Variants in WDR4 observed in about 807,000 individuals in gnomAD.
The protein encoded by WDR4 is tRNA (guanine-N(7)-)-methyltransferase non-catalytic subunit WDR4.
A neutral mutation model predicts 48.6 loss-of-function variants in WDR4; 47 were observed. The ratio of observed to expected loss-of-function variants is 0.97; its 90% confidence interval spans 0.77 to 1.23. WDR4 has a LOEUF of 1.23. WDR4 is among the 50% of genes most tolerant of loss of function. The probability of loss-of-function intolerance (pLI) is 0.00; values close to 1 mark genes in which losing one functional copy is unlikely to be tolerated. For missense variants in WDR4, 606 were observed against 551.6 expected (o/e 1.10, Z -0.99); for synonymous variants, 268 against 230.0 (o/e 1.17, Z -1.49).
At chr21:42,876,479 G>A (rs2058495299) in intron 2 of WDR4, among the ~76,000 whole-genome samples, 1 of 152,148 alleles carries the variant, frequency 6.6e-6, no homozygotes, top group Non-Finnish European at 1.5e-5. Flanking sequence ...CTCCCAAAGT[G>A]CTGGGATTAC....
At chr21:42,867,662 T>C (rs899185980) in intron 3 of WDR4, among the ~76,000 whole-genome samples, 2 of 152,128 alleles carry the variant, frequency 1.3e-5, no homozygotes, top group Non-Finnish European at 2.9e-5. Context: ...ATTTCGGATT[T>C]TGGAGGATTG....
intron 3 of WDR4, among the ~76,000 whole-genome samples, chr21:42,867,932 A>G (rs964577918): frequency 6.6e-6 from 1 of 152,162 alleles, no homozygotes; most frequent in African/African-American, 2.4e-5. Context: ...AAGACGAGTC[A>G]ACACAGCAAG....
At chr21:42,859,502 G>A (rs1187024625) in intron 6 of WDR4, among the ~76,000 whole-genome samples, 160 bp downstream of exon 6, 3 of 151,886 alleles carry the variant, frequency 2.0e-5, no homozygotes, top group South Asian at 2.1e-4. Flanking sequence ...GTGAGCGGCC[G>A]CAGGCGGGGA....
intron 8 of WDR4, 92 bp from the exon 9 acceptor site, chr21:42,853,844 G>A (rs532017197): frequency 3.7e-5 from 50 of 1,362,882 alleles, no homozygotes; most frequent in South Asian, 2.2e-4. Flanking sequence ...AGCCCTCGCC[G>A]GTGCCACCTC....
chr21:42,865,754 G>A (rs530897222), intron 3 of WDR4, among the ~76,000 whole-genome samples: 11 of 152,050 alleles, frequency 7.2e-5, no homozygotes, highest in Non-Finnish European at 1.5e-4. Context: ...AGGGTCTCGG[G>A]TCTCGGGTCT....
chr21:42,854,796 C>T (rs1220996038), intron 7 of WDR4, among the ~76,000 whole-genome samples, 170 bp from the exon 8 acceptor site: 3 of 152,044 alleles, frequency 2.0e-5, no homozygotes, highest in African/African-American at 7.2e-5. Context: ...GTAGCTGATT[C>T]CCTGTTTCCC....
chr21:42,857,305 G>A (rs1313226889), intron 6 of WDR4, among the ~76,000 whole-genome samples: 2 of 152,060 alleles, frequency 1.3e-5, no homozygotes, highest in African/African-American at 4.8e-5. Context: ...AGTGAAGGCC[G>A]GGACACTGAC....
intron 3 of WDR4, among the ~76,000 whole-genome samples, chr21:42,867,941 A>C (rs796067079): frequency 1.7e-4 from 26 of 152,252 alleles, no homozygotes; most frequent in African/African-American, 5.3e-4. Flanking sequence ...CAACACAGCA[A>C]GACATCTCCC....
chr21:42,891,623 C>G, the WDR4 span, among the ~76,000 whole-genome samples: 1 of 151,966 alleles, frequency 6.6e-6, no homozygotes, highest in Non-Finnish European at 1.5e-5. Flanking sequence ...GCGAGCATGA[C>G]CTTTTCCCTG....
intron 3 of WDR4, among the ~76,000 whole-genome samples, chr21:42,871,932 T>C (rs1190340643): frequency 1.3e-5 from 2 of 152,030 alleles, no homozygotes; most frequent in East Asian, 3.9e-4. Context: ...CTTTTTAACC[T>C]GACTGGAAGA....
the WDR4 span, among the ~76,000 whole-genome samples, chr21:42,888,662 T>C: frequency 2.0e-5 from 3 of 151,932 alleles, no homozygotes; most frequent in African/African-American, 4.8e-5. Context: ...TTTGAAGTAT[T>C]TGAGCTCACA....
At chr21:42,885,023 G>A in the WDR4 span, among the ~76,000 whole-genome samples, 9,301 of 152,090 alleles carry the variant, frequency 0.061, 378 homozygotes, top group East Asian at 0.15. Flanking sequence ...TGATCCGCCC[G>A]CCTTGGCTTC....
In WDR4 at chr21:42,878,907, G is replaced by C; in HGVS notation, c.89+500C>G. 4 of 966,712 alleles carry C rather than the reference G, an allele frequency of 4.1e-6. No individual in the cohort carries two copies. In the South Asian group the frequency reaches 1.4e-4, roughly 34 times the overall value. The allele number at this position is 966,712 out of a possible 1,614,324, so 59.9% of individuals were successfully genotyped here. ...GGCCAGGTGAGTGGATGCAGGCCGG[G>C]AAGAGGGAACAGACAACCCTGCAAA... On this transcript the variant is annotated intron_variant, in intron 1 of 10. Transcript: ENST00000398208.
chr21:42,859,597 G>A lies in WDR4; in HGVS notation c.627+65C>T, dbSNP rs370834639. 5.8e-5 allele frequency: 41 copies of A among 708,328 alleles called. No homozygotes were observed. The East Asian group carries it at 6.1e-4, about 11-fold the overall frequency. The allele number at this position is 708,328 out of a possible 1,614,324, so 43.9% of individuals were successfully genotyped here. On this transcript the variant is annotated intron_variant, in intron 6 of 10. Coordinates refer to ENST00000398208, the MANE Select transcript of WDR4 (RefSeq NM_018669.6). ...TCCACAGGGGCCAGGTCCAGGAGGC[G>A]CCCACCCCACCCTCCCTGCAGGCTC...
At chr21:42,860,772 C>T (rs1484505532) in intron 5 of WDR4, among the ~76,000 whole-genome samples, 1 of 152,224 alleles carries the variant, frequency 6.6e-6, no homozygotes, top group African/African-American at 2.4e-5. Flanking sequence ...AAACATAATT[C>T]GTCCAATCAC....
At chr21:42,872,418 T>C (rs954246667) in intron 3 of WDR4, among the ~76,000 whole-genome samples, 2 of 151,622 alleles carry the variant, frequency 1.3e-5, no homozygotes, top group African/African-American at 2.4e-5. Flanking sequence ...GAGACCAGCC[T>C]GGCCAATGTG....
intron 2 of WDR4, among the ~76,000 whole-genome samples, chr21:42,874,608 G>A (rs549477408): frequency 2.7e-4 from 41 of 152,046 alleles, no homozygotes; most frequent in Middle Eastern, 3.2e-3. Context: ...CCCTGAGGGT[G>A]GGCCTCTGAA....
chr21:42,859,635 G>A, intron 6 of WDR4, 27 bp downstream of exon 6: 1 of 1,417,362 alleles, frequency 7.1e-7, no homozygotes, highest in South Asian at 1.2e-5. Context: ...GAATCCAGAG[G>A]TGAGTGACGC....
intron 3 of WDR4, among the ~76,000 whole-genome samples, chr21:42,871,276 T>C (rs979929017): frequency 2.6e-5 from 4 of 152,216 alleles, no homozygotes; most frequent in African/African-American, 7.2e-5. Context: ...CTGTGGTATC[T>C]TGTTGGGCAG....
Sources: allele counts gnomAD v4.1 joint callset (sites outside exome capture counted in the v4.1 genomes callset), GRCh38; gene constraint gnomAD v4.1.1; transcripts MANE v1.5; gene names NCBI Gene and HGNC (gene_info 2026-07-23, HGNC 2026-07-21).